Variants in ASAP1 observed in about 807,000 individuals in gnomAD.
ASAP1 encodes the protein arf-GAP with SH3 domain, ANK repeat and PH domain-containing protein 1.
In ASAP1, 43 loss-of-function variants were observed where a neutral mutation model predicts 145.2. The ratio of observed to expected loss-of-function variants is 0.30; its 90% CI spans 0.23 to 0.38. ASAP1 has a LOEUF of 0.38. ASAP1 is among the 10% of genes least tolerant of loss of function. ASAP1 has a pLI of 1.00. For missense variants in ASAP1, 1,018 were observed against 1,355.3 expected, an observed-to-expected ratio of 0.75 and a Z score of 3.91; for synonymous variants, 546 against 515.5, an observed-to-expected ratio of 1.06 and a Z score of -0.80.
intron 25 of ASAP1, among the ~76,000 whole-genome samples, chr8:130,081,616 A>C (rs1013602820): frequency 6.6e-6 from 1 of 152,100 alleles, no homozygotes; most frequent in African/African-American, 2.4e-5. Flanking sequence ...TCCTCACTAC[A>C]CTGCACATCT....
chr8:130,079,125 G>A (rs571155886), intron 26 of ASAP1, among the ~76,000 whole-genome samples: 4 of 152,306 alleles, frequency 2.6e-5, no homozygotes, highest in Middle Eastern at 6.8e-3. Context: ...AGCCCAGGAG[G>A]TTGAGGCTAC....
At chr8:130,277,582 G>C (rs1820989849) in intron 3 of ASAP1, among the ~76,000 whole-genome samples, 1 of 152,066 alleles carries the variant, frequency 6.6e-6, no homozygotes, top group African/African-American at 2.4e-5. Flanking sequence ...TCTCATGACA[G>C]AAACAAAAAA....
chr8:130,232,006 C>T (rs999207957), intron 4 of ASAP1, among the ~76,000 whole-genome samples: 5 of 152,226 alleles, frequency 3.3e-5, no homozygotes, highest in Non-Finnish European at 7.3e-5. Context: ...TTTGCTTCTA[C>T]GTCTCACTTG....
chr8:130,115,671 C>T lies in ASAP1; in HGVS notation c.2129G>A (p.Arg710Gln), dbSNP rs1212719499. Reference sequence around the variant, plus strand: ...ATCGCTCTCATCTATCTCCTCCTGTCGAAGATTCCACTCATATTCTACGTG... The same window carrying T: ...ATCGCTCTCATCTATCTCCTCCTGTTGAAGATTCCACTCATATTCTACGTG... ...HVHVEYEWNL[R>Q]QEEIDESDDD... The change falls in exon 23 of 30, where the codon CGA becomes CAA. Residue 710 changes from arginine to glutamine, a missense_variant. By Grantham distance (43) the Arg-to-Gln change is conservative. Around this residue, in one of 9 missense-constraint regions of ASAP1, gnomAD observed 353 missense variants for 375.4 expected, o/e 0.94. Transcript: ENST00000518721. 8 of 1,614,022 alleles carry T rather than the reference C, an allele frequency of 5.0e-6. No individual in the cohort carries two copies. The highest frequency in any genetic ancestry group is 3.3e-5 in the South Asian group (3 of 91,088).
Position 130,187,220 on chromosome 8 carries a change from A to G in ASAP1, c.530+16T>C, listed in dbSNP as rs151296260. The G allele has an allele frequency of 4.5e-4, 719 of 1,595,186 alleles. 2 individuals carry two copies. In the African/African-American group the frequency reaches 9.2e-3, roughly 20 times the overall value. ...ATTAAAAAACAAACAAAAACTCTAA[A>G]CAAAAAACCACTTACAACTTTGTCT... On this transcript the variant is annotated intron_variant, in intron 7 of 29. Transcript: ENST00000518721.
intron 2 of ASAP1, among the ~76,000 whole-genome samples, chr8:130,391,168 G>C (rs937337811): frequency 7.5e-6 from 1 of 133,614 alleles, no homozygotes; most frequent in African/African-American, 2.8e-5. Flanking sequence ...TGTTAAGTAA[G>C]GCAGTAACAA....
At chr8:130,092,938 T>TAA (rs35191776) in intron 24 of ASAP1, among the ~76,000 whole-genome samples, 29,797 of 137,084 alleles carry the variant, frequency 0.22, 3,887 homozygotes, top group East Asian at 0.4. Context: ...ACGCTTTTCT[T>TAA]AAAAAAAAAA....
At chr8:130,307,591 T>C (rs1268110001) in intron 3 of ASAP1, among the ~76,000 whole-genome samples, 1 of 152,228 alleles carries the variant, frequency 6.6e-6, no homozygotes, top group Non-Finnish European at 1.5e-5. Context: ...GTAACCACCT[T>C]TCTATGAGAG....
At chr8:130,434,765 C>G (rs1305484441) in intron 1 of ASAP1, among the ~76,000 whole-genome samples, 2 of 152,130 alleles carry the variant, frequency 1.3e-5, no homozygotes, top group Non-Finnish European at 2.9e-5. Flanking sequence ...GAACGGCTCT[C>G]TGTGACGGCT....
At chr8:130,212,704 T>C (rs1816660665) in intron 5 of ASAP1, among the ~76,000 whole-genome samples, 1 of 152,180 alleles carries the variant, frequency 6.6e-6, no homozygotes, top group African/African-American at 2.4e-5. Context: ...TCTCAGATGG[T>C]TTTGTATGGA....
intron 3 of ASAP1, among the ~76,000 whole-genome samples, chr8:130,271,734 C>T (rs1820599689): frequency 1.3e-5 from 2 of 152,166 alleles, no homozygotes; most frequent in South Asian, 2.1e-4. Context: ...GATTTCGTAT[C>T]ATTAGGAAAT....
intron 2 of ASAP1, among the ~76,000 whole-genome samples, chr8:130,377,076 GGACA>G (rs1232485603): frequency 7.9e-5 from 12 of 152,064 alleles, no homozygotes; most frequent in African/African-American, 2.7e-4. Flanking sequence ...CAAATAGCAT[GGACA>G]GACAAACACA....
intron 15 of ASAP1, among the ~76,000 whole-genome samples, chr8:130,133,688 CA>C (rs138495590): frequency 7.3e-5 from 10 of 137,740 alleles, no homozygotes; most frequent in Middle Eastern, 3.8e-3. Flanking sequence ...AACAAACAAA[CA>C]AAAAAAAAAA....
chr8:130,082,582 C>T (rs1272738495), intron 25 of ASAP1, among the ~76,000 whole-genome samples: 5 of 151,028 alleles, frequency 3.3e-5, no homozygotes, highest in African/African-American at 7.3e-5. Context: ...TAGCTCACTG[C>T]AGCCTTAAAC....
intron 3 of ASAP1, among the ~76,000 whole-genome samples, chr8:130,331,608 G>A (rs1323019054): frequency 3.9e-5 from 6 of 151,998 alleles, no homozygotes; most frequent in African/African-American, 1.2e-4. Context: ...AAAATAGGAC[G>A]TCCACCCACA....
intron 1 of ASAP1, among the ~76,000 whole-genome samples, chr8:130,423,305 A>C (rs1565304097): frequency 6.6e-6 from 1 of 152,220 alleles, no homozygotes; most frequent in Non-Finnish European, 1.5e-5. Context: ...TTAGTCCATC[A>C]GCTATGCAAA....
At chr8:130,350,389 A>G (rs1165448922) in intron 3 of ASAP1, among the ~76,000 whole-genome samples, 1 of 152,166 alleles carries the variant, frequency 6.6e-6, no homozygotes, top group Non-Finnish European at 1.5e-5. Flanking sequence ...TCTCAAAGCA[A>G]TGAGGACTAA....
chr8:130,170,927 G>A (rs1813555942), intron 9 of ASAP1, among the ~76,000 whole-genome samples: 2 of 152,044 alleles, frequency 1.3e-5, no homozygotes, highest in African/African-American at 4.8e-5. Context: ...CATTGCTTGG[G>A]CTGGTCTCCA....
At position 130,159,100 on chromosome 8, in the gene ASAP1, G is replaced by C. The variant is rs180778584; in HGVS notation, c.1010+764C>G. 1.7e-3 allele frequency among the ~76,000 whole-genome samples: 255 copies of C among 152,268 alleles called. 1 individual carries two copies. The highest frequency in any genetic ancestry group is 2.4e-3 in the Admixed American group (37 of 15,292). On this transcript the variant is annotated intron_variant, in intron 12 of 29. Coordinates refer to ENST00000518721, the MANE Select transcript of ASAP1 (RefSeq NM_018482.4). ...GTGAACTGCAGAAAAAGAAGAATGA[G>C]CGATACAAAGAGACCAGTTAGGAGG...
Sources: allele counts gnomAD v4.1 joint callset (sites outside exome capture counted in the v4.1 genomes callset), GRCh38; gene constraint gnomAD v4.1.1; regional missense constraint gnomAD v4.1.1; transcripts MANE v1.5; gene names NCBI Gene and HGNC (gene_info 2026-07-23, HGNC 2026-07-21).